The following PKNOX2 variants were observed in gnomAD, a reference collection of about 807,000 sequenced individuals.
PKNOX2 encodes PBX/knotted 1 homeobox 2, also known as homeobox protein PKNOX2.
A neutral mutation model predicts 53.1 loss-of-function variants in PKNOX2; 14 were observed. The observed-to-expected ratio is 0.26, with a 90% CI of 0.17 to 0.41. The LOEUF (loss-of-function observed/expected upper bound fraction) is 0.41. PKNOX2 is among the 10% of genes least tolerant of loss of function. The pLI is 1.00. For synonymous variants in PKNOX2, 257 were observed against 242.8 expected, an observed-to-expected ratio of 1.06 and a Z score of -0.54; for missense variants, 496 against 602.8, an observed-to-expected ratio of 0.82 and a Z score of 1.85.
intron 1 of PKNOX2, among the ~76,000 whole-genome samples, chr11:125,178,979 G>C (rs901303012): frequency 6.6e-6 from 1 of 152,014 alleles, no homozygotes; most frequent in African/African-American, 2.4e-5. Context: ...GTGTGGTGTC[G>C]GGCTCGGATG....
chr11:125,189,534 C>A (rs1435557541), intron 1 of PKNOX2, among the ~76,000 whole-genome samples: 1 of 137,554 alleles, frequency 7.3e-6, no homozygotes, highest in Non-Finnish European at 1.5e-5. Flanking sequence ...ATCACCTTAA[C>A]AATCAGTCGT....
chr11:125,410,727 C>T (rs968133003), intron 8 of PKNOX2, 52 bp from the exon 9 acceptor site: 9 of 1,400,206 alleles, frequency 6.4e-6, no homozygotes, highest in East Asian at 2.3e-5. Flanking sequence ...TGCTTGCCCT[C>T]GCTCCTACCC....
chr11:125,235,624 T>C (rs1942611114), intron 2 of PKNOX2, among the ~76,000 whole-genome samples: 1 of 152,246 alleles, frequency 6.6e-6, no homozygotes, highest in Admixed American at 6.5e-5. Flanking sequence ...CTTAGGCTTA[T>C]TTGCTCATAT....
chr11:125,336,028 T>C (rs938346638), intron 3 of PKNOX2, among the ~76,000 whole-genome samples: 5 of 152,240 alleles, frequency 3.3e-5, no homozygotes, highest in Admixed American at 2.6e-4. Flanking sequence ...AACTTGCTTT[T>C]TAAACATAGG....
At chr11:125,315,319 A>AC (rs1205892657) in intron 2 of PKNOX2, among the ~76,000 whole-genome samples, 12 of 151,114 alleles carry the variant, frequency 7.9e-5, no homozygotes, top group Admixed American at 3.3e-4. Flanking sequence ...AAAAAAAAAA[A>AC]AAAAAAAAAC....
Position 125,411,824 on chromosome 11 carries a change from G to T in PKNOX2, c.895G>T (p.Ala299Ser), listed in dbSNP as rs1274145315. The change falls in exon 10 of 13, where the codon GCC becomes TCC. Residue 299 changes from alanine to serine, a missense_variant. By Grantham distance (99) the Ala-to-Ser change is moderately conservative. This residue lies in a region of PKNOX2 where 36 missense variants were observed against 81.9 expected (regional missense o/e 0.44). Transcript: ENST00000298282. ...CAAACGAGGAGTCTTGCCCAAGCAT[G>T]CCACCAATATAATGCGTTCTTGGCT... is the stretch of plus-strand genomic sequence containing the variant. ...KNKRGVLPKH[A>S]TNIMRSWLFQ... The T allele has an allele frequency of 1.2e-6, 2 of 1,614,178 alleles. No individual in the cohort carries two copies. Among genetic ancestry groups the T allele is most frequent in the Non-Finnish European group, 1.7e-6 (2 of 1,180,032 alleles).
At chr11:125,327,666 C>T (rs1949907167) in intron 2 of PKNOX2, among the ~76,000 whole-genome samples, 2 of 152,304 alleles carry the variant, frequency 1.3e-5, no homozygotes, top group South Asian at 4.2e-4. Flanking sequence ...CAGGGGTCTC[C>T]TCCTCCCTGC....
Position 125,370,820 on chromosome 11 carries a change from G to T in PKNOX2, c.227+2835G>T, listed in dbSNP as rs943342910. On this transcript the variant is annotated intron_variant, in intron 5 of 12. Transcript: ENST00000298282. This position sits in a 1 kb window ranked among gnomAD's most constrained non-coding sequence, Gnocchi z 4.1. The stretch of plus-strand genomic sequence containing the variant: ...CCTGGGGCAGCCTGGCTGCTCCAAA[G>T]CACATCAGGGAGTCGGCATTTTATG... Among the ~76,000 whole-genome samples the T allele has an allele frequency of 1.3e-5, 2 of 152,252 alleles. No individual in the cohort carries two copies. The highest frequency in any genetic ancestry group is 3.9e-4 in the East Asian group (2 of 5,192).
At chr11:125,321,198 G>C (rs1262795553) in intron 2 of PKNOX2, among the ~76,000 whole-genome samples, 1 of 152,218 alleles carries the variant, frequency 6.6e-6, no homozygotes, top group Admixed American at 6.5e-5. Context: ...GGTGAGTACA[G>C]TTTAACTATA....
chr11:125,247,929 A>G (rs1042527182), intron 2 of PKNOX2, among the ~76,000 whole-genome samples: 2 of 152,022 alleles, frequency 1.3e-5, no homozygotes, highest in African/African-American at 4.8e-5. Context: ...CACCTCTTCC[A>G]CAAAGTCTTC....
intron 2 of PKNOX2, among the ~76,000 whole-genome samples, chr11:125,287,131 T>C (rs1274228444): frequency 3.3e-5 from 5 of 152,174 alleles, no homozygotes; most frequent in African/African-American, 4.8e-5. Flanking sequence ...ATTGGGTACA[T>C]ATTTTATTAT....
chr11:125,300,346 A>T (rs1163708946), intron 2 of PKNOX2, among the ~76,000 whole-genome samples: 2 of 152,234 alleles, frequency 1.3e-5, no homozygotes, highest in Non-Finnish European at 2.9e-5. Flanking sequence ...ACTGTGCTAA[A>T]CACATTACAT....
At chr11:125,233,936 A>G (rs1591489886) in intron 1 of PKNOX2, among the ~76,000 whole-genome samples, 1 of 151,930 alleles carries the variant, frequency 6.6e-6, no homozygotes, top group South Asian at 2.1e-4. Context: ...TGACACCAAA[A>G]CCCCTGGATG....
intron 7 of PKNOX2, among the ~76,000 whole-genome samples, chr11:125,408,224 A>G (rs982258084): frequency 6.6e-6 from 1 of 152,210 alleles, no homozygotes; most frequent in East Asian, 1.9e-4. Flanking sequence ...AGGGAGGGGA[A>G]ATGTGTGGCT....
At chr11:125,193,804 A>C (rs968325688) in intron 1 of PKNOX2, among the ~76,000 whole-genome samples, 1 of 152,198 alleles carries the variant, frequency 6.6e-6, no homozygotes, top group Admixed American at 6.5e-5. Context: ...TAGGAGGTTC[A>C]GAGCAGGGGA....
At chr11:125,238,252 AG>A (rs1370026887) in intron 2 of PKNOX2, among the ~76,000 whole-genome samples, 1 of 152,170 alleles carries the variant, frequency 6.6e-6, no homozygotes, top group Non-Finnish European at 1.5e-5. Context: ...CTAACACCAA[AG>A]GGGAGGGGGC....
chr11:125,281,952 T>A (rs1220089938), intron 2 of PKNOX2, among the ~76,000 whole-genome samples: 1 of 152,184 alleles, frequency 6.6e-6, no homozygotes, highest in Non-Finnish European at 1.5e-5. Context: ...TCGTTCCAAG[T>A]GGAGAGGGCT....
chr11:125,207,053 T>A (rs1046937800), intron 1 of PKNOX2, among the ~76,000 whole-genome samples: 2 of 151,100 alleles, frequency 1.3e-5, no homozygotes, highest in Admixed American at 1.3e-4. Flanking sequence ...GGGACTGATC[T>A]GTATGTGGGA....
intron 2 of PKNOX2, among the ~76,000 whole-genome samples, chr11:125,329,002 A>G (rs915864932): frequency 6.6e-6 from 1 of 152,218 alleles, no homozygotes; most frequent in Non-Finnish European, 1.5e-5. Flanking sequence ...ACATCCAGAA[A>G]CTTATCCTAA....
Sources: allele counts gnomAD v4.1 joint callset (sites outside exome capture counted in the v4.1 genomes callset), GRCh38; gene constraint gnomAD v4.1.1; regional missense constraint gnomAD v4.1.1; non-coding constraint Gnocchi (gnomAD v3.1); transcripts MANE v1.5; gene names NCBI Gene and HGNC (gene_info 2026-07-23, HGNC 2026-07-21).